Variants in FAM81A observed in about 807,000 individuals in gnomAD.
FAM81A encodes protein FAM81A.
A neutral mutation model predicts 46.7 loss-of-function variants in FAM81A; 19 were observed. The ratio of observed to expected loss-of-function variants is 0.41; its 90% CI spans 0.28 to 0.60. FAM81A has a LOEUF of 0.60. FAM81A is among the 20% of genes least tolerant of loss of function. FAM81A has a pLI of 0.34. For synonymous variants in FAM81A, 183 were observed against 152.9 expected (o/e 1.20, Z -1.45); for missense variants, 377 against 453.5 (o/e 0.83, Z 1.53).
At chr15:59,480,232 T>C (rs1414853826) in intron 3 of FAM81A, among the ~76,000 whole-genome samples, 1 of 152,232 alleles carries the variant, frequency 6.6e-6, no homozygotes, top group Non-Finnish European at 1.5e-5. Context: ...TTCGCTGCTC[T>C]GCTGTAGTTG....
At chr15:59,484,886 G>A (rs759119274) in intron 3 of FAM81A, among the ~76,000 whole-genome samples, 1 of 152,114 alleles carries the variant, frequency 6.6e-6, no homozygotes. Flanking sequence ...GGCTAAAGGC[G>A]GGCCCGCTGC....
In FAM81A at chr15:59,492,586, C is replaced by T. The variant is rs561109648; in HGVS notation, c.413+197C>T. Among the ~76,000 whole-genome samples the T allele has an allele frequency of 9.2e-5, 14 of 152,156 alleles. No homozygotes were observed. In the South Asian group the frequency reaches 1.7e-3, roughly 18 times the overall value. On this transcript the variant is annotated intron_variant, in intron 4 of 8. Coordinates refer to ENST00000288228, the MANE Select transcript of FAM81A (RefSeq NM_152450.3). The stretch of plus-strand genomic sequence containing the variant: ...AGGGTGCCATGGGTTTCTTTTGTTA[C>T]GCAATTGGTGTTGTCTTCCTGGGAA...
At chr15:59,466,072 T>G (rs190795871) in intron 3 of FAM81A, among the ~76,000 whole-genome samples, 1 of 152,250 alleles carries the variant, frequency 6.6e-6, no homozygotes. Flanking sequence ...TATTTCATGG[T>G]GTATATGTGC....
At chr15:59,407,003 C>A in intron 2 of FAM81A, 1 of 167,874 alleles carries the variant, frequency 6.0e-6, no homozygotes, top group South Asian at 1.5e-4. Context: ...TTGGCTTTTC[C>A]AGCTTGGCAA....
At chr15:59,490,897 C>G (rs142512329) in intron 3 of FAM81A, among the ~76,000 whole-genome samples, 68 of 152,176 alleles carry the variant, frequency 4.5e-4, no homozygotes, top group African/African-American at 1.6e-3. Context: ...GGCTTTTATC[C>G]AAAAGACAGG....
chr15:59,485,356 G>A (rs1442123540), intron 3 of FAM81A, among the ~76,000 whole-genome samples: 2 of 152,180 alleles, frequency 1.3e-5, no homozygotes, highest in Non-Finnish European at 2.9e-5. Flanking sequence ...GAGTCCCAAT[G>A]GTGGTGGGTA....
At chr15:59,418,281 C>T (rs193120133) in intron 2 of FAM81A, among the ~76,000 whole-genome samples, 1 of 152,228 alleles carries the variant, frequency 6.6e-6, no homozygotes, top group Non-Finnish European at 1.5e-5. Context: ...GGGGCAGAGG[C>T]AACAAACAGT....
chr15:59,499,102 G>A (rs985176948), intron 4 of FAM81A, among the ~76,000 whole-genome samples: 10 of 152,170 alleles, frequency 6.6e-5, no homozygotes, highest in Non-Finnish European at 1.3e-4. Flanking sequence ...CACCTATTGA[G>A]ATGATCGTGT....
In FAM81A at chr15:59,412,681, C is replaced by T. The variant is rs1045368026; in HGVS notation, c.-78+10323C>T. On this transcript the variant is annotated intron_variant, in intron 2 of 4. Coordinates refer to the FAM81A transcript ENST00000558348. Reference sequence around the variant, plus strand: ...GGTTGAGGCTGCAGTGAGCTGTGATCGCACCATTGCACTCCAGCCTGGGTG... The same window carrying T: ...GGTTGAGGCTGCAGTGAGCTGTGATTGCACCATTGCACTCCAGCCTGGGTG... Among the ~76,000 whole-genome samples the T allele has an allele frequency of 2.7e-5, 4 of 150,930 alleles. No homozygotes were observed. The South Asian group carries it at 6.3e-4, about 24-fold the overall frequency.
chr15:59,409,593 T>C (rs1408623450), intron 2 of FAM81A, among the ~76,000 whole-genome samples: 1 of 152,190 alleles, frequency 6.6e-6, no homozygotes, highest in Non-Finnish European at 1.5e-5. Context: ...ACCGGGACTG[T>C]CTTTTCTGTA....
chr15:59,474,984 A>T (rs1029757970), intron 3 of FAM81A, among the ~76,000 whole-genome samples: 1 of 152,140 alleles, frequency 6.6e-6, no homozygotes, highest in Non-Finnish European at 1.5e-5. Flanking sequence ...TGTTTATGAA[A>T]CTAGATAATT....
At position 59,478,137 on chromosome 15, in the gene FAM81A, C is replaced by T. The variant is rs528814126; in HGVS notation, c.295-14134C>T. ...GATGGCTGGGGGTAGTAGTTTGGACCCCCATGTCTTTTTATGGCTTTAGCT... is the reference window on the plus strand; with the variant it reads ...GATGGCTGGGGGTAGTAGTTTGGACTCCCATGTCTTTTTATGGCTTTAGCT... On this transcript the variant is annotated intron_variant, in intron 3 of 8. Transcript: ENST00000288228. Among the ~76,000 whole-genome samples the T allele has an allele frequency of 2.6e-5, 4 of 152,186 alleles. No homozygotes were observed. The East Asian group carries it at 5.8e-4, about 22-fold the overall frequency.
intron 1 of FAM81A, among the ~76,000 whole-genome samples, chr15:59,440,398 G>A (rs150021703): frequency 3.3e-5 from 5 of 152,216 alleles, no homozygotes; most frequent in African/African-American, 1.2e-4. Flanking sequence ...TGTACACCCA[G>A]GTACAGTGGG....
intron 2 of FAM81A, among the ~76,000 whole-genome samples, chr15:59,427,039 T>A (rs1300920319): frequency 1.3e-5 from 2 of 152,206 alleles, no homozygotes; most frequent in Non-Finnish European, 2.9e-5. Flanking sequence ...AGACAATCTG[T>A]TTCTGTTTCT....
intron 2 of FAM81A, among the ~76,000 whole-genome samples, chr15:59,429,207 G>A (rs2081209037): frequency 6.6e-6 from 1 of 152,134 alleles, no homozygotes; most frequent in Admixed American, 6.5e-5. Flanking sequence ...GATATTTAGT[G>A]CCTGGAAAAT....
At chr15:59,511,615 G>C (rs1324496642) in intron 6 of FAM81A, among the ~76,000 whole-genome samples, 2 of 152,136 alleles carry the variant, frequency 1.3e-5, no homozygotes, top group Non-Finnish European at 2.9e-5. Context: ...TGAACCAGGA[G>C]CTATGTATCA....
chr15:59,457,496 A>G (rs942307871), intron 1 of FAM81A, among the ~76,000 whole-genome samples: 2 of 152,232 alleles, frequency 1.3e-5, no homozygotes, highest in Admixed American at 1.3e-4. Flanking sequence ...AGAATAGTAT[A>G]TATAGGCTTC....
intron 2 of FAM81A, among the ~76,000 whole-genome samples, chr15:59,414,713 C>A (rs1176510210): frequency 6.6e-6 from 1 of 152,154 alleles, no homozygotes; most frequent in Non-Finnish European, 1.5e-5. Context: ...CTTGCATTTG[C>A]TGTTTTTCAA....
intron 2 of FAM81A, among the ~76,000 whole-genome samples, chr15:59,422,762 C>T (rs1386103073): frequency 2.0e-5 from 3 of 152,158 alleles, no homozygotes; most frequent in African/African-American, 7.2e-5. Flanking sequence ...AGGCGTGAGC[C>T]ACATGCCCAG....
Sources: gnomAD v4.1 joint callset for allele counts (sites outside exome capture counted in the v4.1 genomes callset) on GRCh38, gnomAD v4.1.1 for gene constraint, MANE v1.5 for transcripts, NCBI Gene and HGNC (gene_info 2026-07-23, HGNC 2026-07-21) for gene names.